Variants in ANKRD22 observed in about 807,000 individuals in gnomAD.
ANKRD22 encodes the protein ankyrin repeat domain-containing protein 22.
ANKRD22 carries 24 observed loss-of-function variants against 25.7 expected under a neutral mutation model. That is an observed-to-expected ratio of 0.93 (90% CI 0.68 to 1.31). ANKRD22 has a LOEUF of 1.31. Among genes scored for constraint, ANKRD22 ranks in the 50% most tolerant of loss-of-function variants. The pLI is 0.00. For missense variants in ANKRD22, 214 were observed against 227.1 expected, an observed-to-expected ratio of 0.94 and a Z score of 0.37; for synonymous variants, 84 against 84.3, an observed-to-expected ratio of 1.00 and a Z score of 0.02.
At position 88,822,566 on chromosome 10, in the gene ANKRD22, T is replaced by TTTTTTTTTTTA. The variant is rs59890033; in HGVS notation, c.*374_*375insTAAAAAAAAAA. 7.2e-6 allele frequency: 1 copy of TTTTTTTTTTTA among 138,176 alleles called. No homozygotes were observed. The highest frequency in any genetic ancestry group is 2.8e-5 in the African/African-American group (1 of 35,926). The allele number at this position is 138,176 out of a possible 1,614,324, so 8.6% of individuals were successfully genotyped here. On this transcript the variant is annotated 3_prime_UTR_variant, in exon 6 of 6. Transcript: ENST00000371930. ...GGGCTTTTTTTTTTTTTTTTTTTTTTGAGACAGGGTCTCGCTGTGTTGCCC... is the reference window on the plus strand; with the variant it reads ...GGGCTTTTTTTTTTTTTTTTTTTTTTTTTTTTTTTTAGAGACAGGGTCTCGCTGTGTTGCCC...
At chr10:88,826,823 T>C (rs1934303672) in intron 3 of ANKRD22, among the ~76,000 whole-genome samples, 1 of 152,160 alleles carries the variant, frequency 6.6e-6, no homozygotes, top group South Asian at 2.1e-4. Flanking sequence ...GTTTGTGCCA[T>C]TTGATTAATG....
At position 88,820,215 on chromosome 10, in the gene ANKRD22, C is replaced by T. The variant is rs1423210822; in HGVS notation, c.*2726G>A. ...TCCAAATGTTACCTAGAGTTAAGAA[C>T]TATTCCTTTTCTCTAGCCAACTCCT... is the stretch of plus-strand genomic sequence containing the variant. On this transcript the variant is annotated 3_prime_UTR_variant, in exon 6 of 6. Coordinates refer to ENST00000371930, the MANE Select transcript of ANKRD22 (RefSeq NM_144590.3). 5 of 1,539,172 alleles carry T rather than the reference C, an allele frequency of 3.2e-6. No individual in the cohort carries two copies. The highest frequency in any genetic ancestry group is 1.2e-5 in the South Asian group (1 of 82,852).
At chr10:88,845,095 C>G (rs1284868497) in intron 1 of ANKRD22, among the ~76,000 whole-genome samples, 1 of 151,974 alleles carries the variant, frequency 6.6e-6, no homozygotes, top group Non-Finnish European at 1.5e-5. Flanking sequence ...TTCTCCTCAC[C>G]ACTTTTGGTG....
chr10:88,844,139 T>G (rs571722703), intron 1 of ANKRD22, among the ~76,000 whole-genome samples: 1 of 152,250 alleles, frequency 6.6e-6, no homozygotes, highest in South Asian at 2.1e-4. Flanking sequence ...CAGGTAACTT[T>G]CAGGAGGAAG....
At chr10:88,849,006 ATG>A (rs113459404) in intron 1 of ANKRD22, among the ~76,000 whole-genome samples, 100 of 149,146 alleles carry the variant, frequency 6.7e-4, no homozygotes, top group East Asian at 1.2e-3. Context: ...GTGCATGTGC[ATG>A]TGTGTGTGTG....
chr10:88,837,086 G>A (rs1353049770), intron 1 of ANKRD22, among the ~76,000 whole-genome samples: 2 of 152,144 alleles, frequency 1.3e-5, no homozygotes, highest in African/African-American at 4.8e-5. Context: ...TCCAGCCAAC[G>A]TTCCACACGT....
chr10:88,847,624 G>A (rs1018486052), intron 1 of ANKRD22, among the ~76,000 whole-genome samples: 2 of 151,208 alleles, frequency 1.3e-5, no homozygotes, highest in Admixed American at 6.6e-5. Context: ...CCAAAAGCTT[G>A]ACTTTCTGTG....
rs959560664 is a variant in ANKRD22, at chr10:88,820,643, C to T, written c.*2298G>A. The stretch of plus-strand genomic sequence containing the variant: ...GCACTAAATCCGACACTTACATTTA[C>T]ATTTTTTTTCTGTAAATTAAAGTAC... On this transcript the variant is annotated 3_prime_UTR_variant, in exon 6 of 6. Coordinates refer to ENST00000371930, the MANE Select transcript of ANKRD22 (RefSeq NM_144590.3). 1.6e-5 allele frequency: 12 copies of T among 767,520 alleles called. No individual in the cohort carries two copies. Among genetic ancestry groups the T allele is most frequent in the Non-Finnish European group, 2.2e-5 (11 of 494,800 alleles). 47.5% of individuals were successfully genotyped at this position (767,520 alleles called of 1,614,324 possible).
At chr10:88,832,510 T>A (rs1359540937) in intron 1 of ANKRD22, among the ~76,000 whole-genome samples, 2 of 145,674 alleles carry the variant, frequency 1.4e-5, no homozygotes, top group East Asian at 5.3e-4. Context: ...ACAAAATGTC[T>A]TTATCTTTAT....
At chr10:88,851,531 A>G in intron 1 of ANKRD22, 56 bp downstream of exon 1, 1 of 1,597,720 alleles carries the variant, frequency 6.3e-7, no homozygotes, top group Non-Finnish European at 8.6e-7. Context: ...TTGCATCTGA[A>G]AAGCATGAGT....
At chr10:88,830,555 A>C (rs1313762290) in intron 2 of ANKRD22, among the ~76,000 whole-genome samples, 1 of 152,374 alleles carries the variant, frequency 6.6e-6, no homozygotes, top group East Asian at 1.9e-4. Context: ...TAAAAATATT[A>C]AATGCTAACA....
chr10:88,848,737 T>C (rs917352714), intron 1 of ANKRD22, among the ~76,000 whole-genome samples: 4 of 152,182 alleles, frequency 2.6e-5, no homozygotes, highest in African/African-American at 9.6e-5. Context: ...CAATCAGGTC[T>C]AAAATATAGG....
At chr10:88,825,005 T>TCACACACA (rs1483035899) in intron 4 of ANKRD22, among the ~76,000 whole-genome samples, 68 of 92,342 alleles carry the variant, frequency 7.4e-4, no homozygotes, top group South Asian at 3.1e-3. Flanking sequence ...TCTCTCTCTC[T>TCACACACA]CTCTCTCACA....
chr10:88,832,158 G>A (rs1375739780), intron 1 of ANKRD22, 132 bp from the exon 2 acceptor site: 6 of 1,003,468 alleles, frequency 6.0e-6, no homozygotes, highest in Non-Finnish European at 8.4e-6. Flanking sequence ...TTGCAGGTGA[G>A]ATTTTTTGGT....
chr10:88,820,212 G>T lies in ANKRD22; in HGVS notation c.*2729C>A. The T allele has an allele frequency of 6.5e-7, 1 of 1,537,914 alleles. No individual in the cohort carries two copies. The highest frequency in any genetic ancestry group is 8.8e-7 in the Non-Finnish European group (1 of 1,141,378). ...AAGTCCAAATGTTACCTAGAGTTAA[G>T]AACTATTCCTTTTCTCTAGCCAACT... On this transcript the variant is annotated 3_prime_UTR_variant, in exon 6 of 6. Transcript: ENST00000371930.
At chr10:88,825,699 G>T (rs1843848865) in intron 4 of ANKRD22, among the ~76,000 whole-genome samples, 1 of 152,176 alleles carries the variant, frequency 6.6e-6, no homozygotes. Flanking sequence ...GTAAAAAGTG[G>T]CAAGCCCAGA....
chr10:88,843,307 C>T (rs1465980568), intron 1 of ANKRD22, among the ~76,000 whole-genome samples: 1 of 152,070 alleles, frequency 6.6e-6, no homozygotes. Context: ...AGACCTCATC[C>T]CACCTTGTTT....
In ANKRD22 at chr10:88,843,216, A is replaced by G. The variant is rs561148317; in HGVS notation, c.21+8371T>C. 2.0e-3 allele frequency among the ~76,000 whole-genome samples: 312 copies of G among 152,218 alleles called. 1 individual carries two copies. Among genetic ancestry groups the G allele is most frequent in the African/African-American group, 7.1e-3 (294 of 41,542 alleles). The stretch of plus-strand genomic sequence containing the variant: ...TTCCTAAAATCAACTCTTACCTCCA[A>G]TTCCTTGTGTCTTGAATATTCTGTG... On this transcript the variant is annotated intron_variant, in intron 1 of 5. Transcript: ENST00000371930.
rs11202864 is a variant in ANKRD22 at position 88,824,937 on chromosome 10, C to A, written c.399+1101G>T. 3.3e-5 allele frequency among the ~76,000 whole-genome samples: 5 copies of A among 150,682 alleles called. No homozygotes were observed. In the East Asian group the frequency reaches 7.9e-4, roughly 24 times the overall value. On this transcript the variant is annotated intron_variant, in intron 4 of 5. Transcript: ENST00000371930. ...GTCAATACAAATTTATCCAAAAGTTCTATTTGAAATAAAAGGGAATATAAA... is the reference window on the plus strand; with the variant it reads ...GTCAATACAAATTTATCCAAAAGTTATATTTGAAATAAAAGGGAATATAAA...
Sources: allele counts gnomAD v4.1 joint callset (sites outside exome capture counted in the v4.1 genomes callset), GRCh38; gene constraint gnomAD v4.1.1; transcripts MANE v1.5; gene names NCBI Gene and HGNC (gene_info 2026-07-23, HGNC 2026-07-21).